Variants in STIL observed in about 807,000 individuals in gnomAD.
STIL encodes STIL centriolar assembly protein, also known as SCL-interrupting locus protein.
Under a neutral mutation model 110.1 loss-of-function variants are expected in STIL, and 55 were observed. The observed-to-expected ratio is 0.50, with a 90% CI of 0.40 to 0.63. The LOEUF (loss-of-function observed/expected upper bound fraction) is 0.63, where lower values mean the gene tolerates loss of function less well. Among genes scored for constraint, STIL ranks in the 20% least tolerant of loss-of-function variants. The probability of loss-of-function intolerance (pLI) is 0.00; values close to 1 mark genes in which losing one functional copy is unlikely to be tolerated. For missense variants in STIL, 1,358 were observed against 1,530.0 expected (o/e 0.89, Z 1.87); for synonymous variants, 481 against 530.0 (o/e 0.91, Z 1.27).
At chr1:47,270,255 T>TATATACACACAC (rs775684329) in intron 13 of STIL, among the ~76,000 whole-genome samples, 11 of 119,410 alleles carry the variant, frequency 9.2e-5, no homozygotes, top group African/African-American at 3.0e-4. Flanking sequence ...TATATATATA[T>TATATACACACAC]ACACACACAC....
At chr1:47,296,202 C>A (rs1405094906) in intron 6 of STIL, among the ~76,000 whole-genome samples, 1 of 152,130 alleles carries the variant, frequency 6.6e-6, no homozygotes, top group East Asian at 1.9e-4. Context: ...CTTGGAAGAA[C>A]TGAATTCCCT....
rs1644189147 is a variant in STIL, at chr1:47,251,740, T to C, written c.3263A>G (p.Gln1088Arg). Residue 1088 changes from glutamine (Q) to arginine (R), a missense_variant, in exon 17 of 17, where the codon CAA (glutamine) becomes CGA (arginine). Gln to Arg is a conservative substitution (Grantham distance 43, BLOSUM62 1). Transcript: ENST00000371877. ...LSQLSVTRSN[Q>R]NNCDPFSLLH... ...AAGGCTGAATGGGTCACAATTATTT[T>C]GGTTCGATCGAGTGACAGACAGTTG... The C allele has an allele frequency of 6.2e-7, 1 of 1,614,050 alleles. No homozygotes were observed. Among genetic ancestry groups the C allele is most frequent in the Admixed American group, 1.7e-5 (1 of 59,980 alleles).
chr1:47,301,212 G>A (rs1645794878), intron 5 of STIL, among the ~76,000 whole-genome samples: 1 of 151,972 alleles, frequency 6.6e-6, no homozygotes, highest in Admixed American at 6.6e-5. Flanking sequence ...CGAAGTGTTG[G>A]GATTAAAGAC....
intron 6 of STIL, among the ~76,000 whole-genome samples, chr1:47,299,300 TCC>T (rs1344330388): frequency 6.6e-6 from 1 of 151,384 alleles, no homozygotes; most frequent in African/African-American, 2.4e-5. Flanking sequence ...TGAGCCAAGA[TCC>T]CACCACTGCA....
intron 12 of STIL, among the ~76,000 whole-genome samples, chr1:47,275,521 T>C (rs1000456561): frequency 1.6e-4 from 24 of 151,958 alleles, no homozygotes; most frequent in African/African-American, 5.8e-4. Flanking sequence ...GGCAGGAGAA[T>C]GGTGTGAACC....
chr1:47,308,976 C>G (rs371205224), intron 2 of STIL, among the ~76,000 whole-genome samples: 2 of 151,524 alleles, frequency 1.3e-5, no homozygotes, highest in South Asian at 4.2e-4. Flanking sequence ...CACTTGAACC[C>G]AGGAAGCAAA....
intron 5 of STIL, among the ~76,000 whole-genome samples, chr1:47,301,174 C>T (rs982886011): frequency 3.0e-4 from 46 of 152,086 alleles, no homozygotes; most frequent in African/African-American, 1.1e-3. Flanking sequence ...ACCTCCCGGG[C>T]TCAAGCAATC....
intron 16 of STIL, among the ~76,000 whole-genome samples, chr1:47,254,384 A>G (rs1352335074): frequency 6.6e-6 from 1 of 152,112 alleles, no homozygotes. Context: ...TCTTTTATTC[A>G]TAGTGACAAT....
In STIL at chr1:47,261,272, C is replaced by T. The variant is rs549557370; in HGVS notation, c.2830-733G>A. On this transcript the variant is annotated intron_variant, in intron 15 of 16. Coordinates refer to ENST00000371877, the MANE Select transcript of STIL (RefSeq NM_001048166.1). ...GTGTGGTGGCACGTACCTGTGGTCC[C>T]GGCTATTTGGGAGGCTGAGGCATGA... 4.6e-5 allele frequency among the ~76,000 whole-genome samples: 7 copies of T among 151,232 alleles called. No individual in the cohort carries two copies. In the East Asian group the frequency reaches 5.9e-4, roughly 13 times the overall value.
At position 47,280,691 on chromosome 1, in the gene STIL, T is replaced by C; in HGVS notation, c.1767A>G (p.Ile589Met). Residue 589 changes from isoleucine (I) to methionine (M), a missense_variant, in exon 12 of 17, where the codon ATA becomes ATG. Coordinates refer to ENST00000371877, the MANE Select transcript of STIL (RefSeq NM_001048166.1). Reference protein sequence around the residue: ...HNSGRPMELQIPTPPLPSYCS... With the variant: ...HNSGRPMELQMPTPPLPSYCS... ...AGTAAGATGGCAGTGGGGGAGTAGGTATCTGAAGTTCCATTGGTCTTCCTG... is the reference window on the plus strand; with the variant it reads ...AGTAAGATGGCAGTGGGGGAGTAGGCATCTGAAGTTCCATTGGTCTTCCTG... 6.2e-7 allele frequency: 1 copy of C among 1,614,188 alleles called. No homozygotes were observed. Among genetic ancestry groups the C allele is most frequent in the Non-Finnish European group, 8.5e-7 (1 of 1,180,030 alleles).
At chr1:47,296,702 C>T (rs564087060) in intron 6 of STIL, among the ~76,000 whole-genome samples, 12 of 151,916 alleles carry the variant, frequency 7.9e-5, no homozygotes, top group Non-Finnish European at 1.3e-4. Flanking sequence ...CCCAGCTACT[C>T]GGGAGGCTGA....
chr1:47,256,419 G>C (rs1393198695), intron 16 of STIL, among the ~76,000 whole-genome samples: 1 of 150,912 alleles, frequency 6.6e-6, no homozygotes, highest in Non-Finnish European at 1.5e-5. Flanking sequence ...TCAGGAGTTT[G>C]AGACTAGCCT....
intron 6 of STIL, among the ~76,000 whole-genome samples, chr1:47,297,803 A>T (rs1333059349): frequency 3.3e-5 from 5 of 152,148 alleles, no homozygotes; most frequent in Non-Finnish European, 7.3e-5. Flanking sequence ...AGTGGCAAGG[A>T]GAATAGGTGA....
At chr1:47,273,262 G>T (rs912764333) in intron 12 of STIL, among the ~76,000 whole-genome samples, 4 of 152,070 alleles carry the variant, frequency 2.6e-5, no homozygotes, top group African/African-American at 7.2e-5. Context: ...CAATTCAGTG[G>T]TTTTTGGTAT....
chr1:47,285,051 T>C (rs1645258501), intron 10 of STIL, among the ~76,000 whole-genome samples: 1 of 131,042 alleles, frequency 7.6e-6, no homozygotes, highest in Non-Finnish European at 1.6e-5. Flanking sequence ...TGAGACAGGG[T>C]CTCATTTTAT....
chr1:47,307,724 C>T (rs1013871794), intron 2 of STIL, among the ~76,000 whole-genome samples: 1 of 152,030 alleles, frequency 6.6e-6, no homozygotes, highest in African/African-American at 2.4e-5. Flanking sequence ...AAACTCTGAC[C>T]GCCGGTGAGC....
In STIL at chr1:47,295,833, A is replaced by T. The variant is rs1645626882; in HGVS notation, c.717T>A (p.Asp239Glu). The T allele has an allele frequency of 1.2e-6, 2 of 1,612,152 alleles. No homozygotes were observed. The highest frequency in any genetic ancestry group is 4.5e-5 in the East Asian group (2 of 44,770). The change falls in exon 7 of 17, where the codon GAT becomes GAA. Residue 239 changes from aspartate (D) to glutamate (E), a missense_variant. By Grantham distance (45) the Asp-to-Glu change is conservative. Coordinates refer to ENST00000371877, the MANE Select transcript of STIL (RefSeq NM_001048166.1). ...GTYKYGYLTM[D>E]ETRKLLLLLE... is the part of the protein sequence containing the mutation. ...ACAAAAGTAACAATTTGCGTGTTTCATCCATGGTAAGATATCTAAACAGAA... is the reference window on the plus strand; with the variant it reads ...ACAAAAGTAACAATTTGCGTGTTTCTTCCATGGTAAGATATCTAAACAGAA...
intron 15 of STIL, among the ~76,000 whole-genome samples, chr1:47,262,591 T>A (rs994435261): frequency 1.6e-4 from 25 of 152,170 alleles, no homozygotes; most frequent in African/African-American, 6.0e-4. Context: ...TCCCACTACT[T>A]TCCAATTTTC....
At chr1:47,253,826 A>G (rs1423478735) in intron 16 of STIL, among the ~76,000 whole-genome samples, 1 of 152,092 alleles carries the variant, frequency 6.6e-6, no homozygotes, top group East Asian at 1.9e-4. Flanking sequence ...CAACCATTAT[A>G]TATTTTCATT....
Sources: allele counts gnomAD v4.1 joint callset (sites outside exome capture counted in the v4.1 genomes callset), GRCh38; gene constraint gnomAD v4.1.1; transcripts MANE v1.5; gene names NCBI Gene and HGNC (gene_info 2026-07-23, HGNC 2026-07-21).